Variants in DDX10 observed in about 807,000 individuals in gnomAD.
The protein encoded by DDX10 is DEAD-box helicase 10.
A neutral mutation model predicts 104.3 loss-of-function variants in DDX10; 74 were observed. The observed-to-expected ratio is 0.71, with a 90% CI of 0.59 to 0.86. The LOEUF (loss-of-function observed/expected upper bound fraction) is 0.86, where lower values mean the gene tolerates loss of function less well. Among genes scored for constraint, DDX10 ranks in the 40% least tolerant of loss-of-function variants. The pLI, the probability that DDX10 is intolerant of heterozygous loss-of-function variation, is 0.00. For missense variants in DDX10, 952 were observed against 1,040.0 expected (o/e 0.92, Z 1.16); for synonymous variants, 351 against 353.4 (o/e 0.99, Z 0.08).
chr11:108,935,227 T>TA (rs1864021959), intron 17 of DDX10, among the ~76,000 whole-genome samples: 1 of 151,984 alleles, frequency 6.6e-6, no homozygotes, highest in South Asian at 2.1e-4. Context: ...AAGGGAGGTT[T>TA]AGATAGTTAG....
intron 16 of DDX10, among the ~76,000 whole-genome samples, chr11:108,861,828 C>G (rs1005673600): frequency 6.6e-6 from 1 of 152,060 alleles, no homozygotes; most frequent in Non-Finnish European, 1.5e-5. Context: ...TTGAGACCAG[C>G]CTGGGCAACA....
intron 16 of DDX10, among the ~76,000 whole-genome samples, chr11:108,877,999 T>TTCCC (rs1305872606): frequency 6.6e-6 from 1 of 152,186 alleles, no homozygotes; most frequent in African/African-American, 2.4e-5. Flanking sequence ...TGATTTCTTT[T>TTCCC]TCCCTCCCTC....
At chr11:108,756,840 A>G (rs1315166740) in intron 13 of DDX10, among the ~76,000 whole-genome samples, 1 of 152,070 alleles carries the variant, frequency 6.6e-6, no homozygotes, top group African/African-American at 2.4e-5. Context: ...CTTACGTTTT[A>G]GTAAATTACA....
intron 13 of DDX10, among the ~76,000 whole-genome samples, chr11:108,768,796 A>G (rs1225145343): frequency 6.6e-6 from 1 of 151,074 alleles, no homozygotes; most frequent in Non-Finnish European, 1.5e-5. Flanking sequence ...CGGATATCCT[A>G]TTTCCTCGTC....
chr11:108,719,684 T>A, intron 11 of DDX10, 113 bp from the exon 12 acceptor site: 1 of 603,772 alleles, frequency 1.7e-6, no homozygotes, highest in Admixed American at 3.1e-5. Flanking sequence ...CTGAACTATT[T>A]CGTGGTTTTT....
At chr11:108,706,677 C>T in intron 9 of DDX10, 62 bp from the exon 10 acceptor site, 1 of 1,288,138 alleles carries the variant, frequency 7.8e-7, no homozygotes, top group South Asian at 1.2e-5. Flanking sequence ...ATGCATCACT[C>T]TGTTAAAATG....
In DDX10 at chr11:108,918,011, A is replaced by G; in HGVS notation, c.2443A>G (p.Lys815Glu). Reference sequence around the variant, plus strand: ...TTCAGATAGTGAAGATATGGAAAATAAAATAAGGTATGTTTTTACTATGGG... The same window carrying G: ...TTCAGATAGTGAAGATATGGAAAATGAAATAAGGTATGTTTTTACTATGGG... Reference protein sequence around the residue: ...EDSDSEDMENKISDTKKKQGM... With the variant: ...EDSDSEDMENEISDTKKKQGM... Residue 815 changes from lysine (K) to glutamate (E), a missense_variant, in exon 17 of 18, where the codon AAA becomes GAA. By Grantham distance (56) the Lys-to-Glu change is moderately conservative. Transcript: ENST00000322536. 6.2e-7 allele frequency: 1 copy of G among 1,613,608 alleles called. No homozygotes were observed. Among genetic ancestry groups the G allele is most frequent in the Non-Finnish European group, 8.5e-7 (1 of 1,179,686 alleles).
chr11:108,722,783 A>T (rs1468859765), intron 12 of DDX10, among the ~76,000 whole-genome samples: 2 of 152,182 alleles, frequency 1.3e-5, no homozygotes, highest in African/African-American at 2.4e-5. Context: ...CCTCTTAAAG[A>T]AAAAATAGTG....
At chr11:108,903,003 G>T (rs1863538358) in intron 16 of DDX10, among the ~76,000 whole-genome samples, 1 of 152,086 alleles carries the variant, frequency 6.6e-6, no homozygotes, top group Non-Finnish European at 1.5e-5. Flanking sequence ...TAGTCATAGA[G>T]TTACCATACA....
intron 13 of DDX10, among the ~76,000 whole-genome samples, chr11:108,781,246 T>C (rs1433721289): frequency 6.6e-6 from 1 of 152,214 alleles, no homozygotes; most frequent in Non-Finnish European, 1.5e-5. Flanking sequence ...TTTCACTCTT[T>C]TTTATGGTTG....
intron 11 of DDX10, 76 bp from the exon 12 acceptor site, chr11:108,719,721 C>T: frequency 3.6e-6 from 3 of 833,024 alleles, no homozygotes; most frequent in South Asian, 3.4e-5. Context: ...ATCCCATTGG[C>T]TAATTTTCTT....
chr11:108,730,123 T>G (rs560498436), intron 13 of DDX10: 1 of 152,294 alleles, frequency 6.6e-6, no homozygotes, highest in Non-Finnish European at 1.5e-5. Flanking sequence ...AGGAAAACAA[T>G]AGTCCCTCTC....
intron 1 of DDX10, among the ~76,000 whole-genome samples, chr11:108,670,345 A>T (rs2094215395): frequency 6.6e-6 from 1 of 152,078 alleles, no homozygotes; most frequent in Non-Finnish European, 1.5e-5. Context: ...AGGGAGGGAA[A>T]GGAGAGAAGG....
intron 13 of DDX10, among the ~76,000 whole-genome samples, chr11:108,803,582 GAA>G (rs34367715): frequency 8.9e-5 from 2 of 22,452 alleles, no homozygotes; most frequent in Non-Finnish European, 1.2e-4. Flanking sequence ...CAACAAGAGC[GAA>G]AAAAAAAAAA....
At chr11:108,915,878 T>C (rs527476041) in intron 16 of DDX10, among the ~76,000 whole-genome samples, 16 of 147,540 alleles carry the variant, frequency 1.1e-4, no homozygotes, top group African/African-American at 3.8e-4. Context: ...TGCAACAGAA[T>C]GAATGCAGAG....
At position 108,725,917 on chromosome 11, in the gene DDX10, C is replaced by G. The variant is rs567527054; in HGVS notation, c.1965+2455C>G. On this transcript the variant is annotated intron_variant, in intron 13 of 17. Transcript: ENST00000322536. Reference sequence around the variant, plus strand: ...AGAGGTTTTATAGTTTTAGCACTTACAATTTGGGCTAGGATCCTCTTCACC... The same window carrying G: ...AGAGGTTTTATAGTTTTAGCACTTAGAATTTGGGCTAGGATCCTCTTCACC... Among the ~76,000 whole-genome samples, 5 of 152,062 alleles carry G rather than the reference C, an allele frequency of 3.3e-5. No individual in the cohort carries two copies. The South Asian group carries it at 1.0e-3, about 32-fold the overall frequency.
At chr11:108,695,586 T>G (rs1375244171) in intron 9 of DDX10, among the ~76,000 whole-genome samples, 3 of 152,230 alleles carry the variant, frequency 2.0e-5, no homozygotes, top group Non-Finnish European at 2.9e-5. Flanking sequence ...TTCTATACAT[T>G]TATATTTTTT....
At chr11:108,831,453 T>C (rs1862471108) in intron 13 of DDX10, among the ~76,000 whole-genome samples, 1 of 143,928 alleles carries the variant, frequency 6.9e-6, no homozygotes, top group African/African-American at 2.5e-5. Flanking sequence ...AAAGAAATGC[T>C]CTTATCTTTC....
At chr11:108,781,244 T>C (rs997810162) in intron 13 of DDX10, among the ~76,000 whole-genome samples, 20 of 152,206 alleles carry the variant, frequency 1.3e-4, no homozygotes, top group African/African-American at 4.8e-4. Context: ...GATTTCACTC[T>C]TTTTTATGGT....
Sources: allele counts gnomAD v4.1 joint callset (sites outside exome capture counted in the v4.1 genomes callset), GRCh38; gene constraint gnomAD v4.1.1; transcripts MANE v1.5; gene names NCBI Gene and HGNC (gene_info 2026-07-23, HGNC 2026-07-21).